The following ANKRD55 variants were observed in gnomAD, a reference collection of about 807,000 sequenced individuals.
ANKRD55 encodes the protein ankyrin repeat domain-containing protein 55.
In ANKRD55, 41 loss-of-function variants were observed where a neutral mutation model predicts 60.6. That is an observed-to-expected ratio of 0.68 (90% confidence interval 0.53 to 0.88). The LOEUF is 0.88. Among genes scored for constraint, ANKRD55 ranks in the 40% least tolerant of loss-of-function variants. The pLI is 0.00. For synonymous variants in ANKRD55, 264 were observed against 290.3 expected, an observed-to-expected ratio of 0.91 and a Z score of 0.92; for missense variants, 732 against 767.6, an observed-to-expected ratio of 0.95 and a Z score of 0.55.
At chr5:56,123,482 T>C (rs965710967) in intron 8 of ANKRD55, among the ~76,000 whole-genome samples, 2 of 152,162 alleles carry the variant, frequency 1.3e-5, no homozygotes, top group Non-Finnish European at 2.9e-5. Flanking sequence ...CATATTTGAA[T>C]GTGGCAGATG....
At chr5:56,190,087 T>C (rs1440673909) in intron 2 of ANKRD55, among the ~76,000 whole-genome samples, 2 of 152,236 alleles carry the variant, frequency 1.3e-5, no homozygotes, top group Non-Finnish European at 2.9e-5. Flanking sequence ...TTAGTGACAG[T>C]GAGCATTTTT....
intron 5 of ANKRD55, among the ~76,000 whole-genome samples, chr5:56,166,404 C>T (rs914605722): frequency 5.3e-5 from 8 of 151,622 alleles, no homozygotes; most frequent in African/African-American, 1.9e-4. Context: ...ACTACAGGAG[C>T]ACACCACTAT....
intron 2 of ANKRD55, among the ~76,000 whole-genome samples, chr5:56,225,478 G>T (rs142837228): frequency 6.6e-6 from 1 of 152,124 alleles, no homozygotes; most frequent in African/African-American, 2.4e-5. Flanking sequence ...TGGAAGTTCC[G>T]GCCAAGGCAA....
At chr5:56,198,684 T>A (rs1423620546) in intron 2 of ANKRD55, among the ~76,000 whole-genome samples, 1 of 152,230 alleles carries the variant, frequency 6.6e-6, no homozygotes, top group Non-Finnish European at 1.5e-5. Context: ...TTGTTTTTCT[T>A]CTTTATAGTA....
intron 2 of ANKRD55, among the ~76,000 whole-genome samples, chr5:56,210,697 T>A (rs1561294034): frequency 6.6e-6 from 1 of 151,946 alleles, no homozygotes; most frequent in Non-Finnish European, 1.5e-5. Flanking sequence ...GGTAAAAAAA[T>A]ATCTTTTCAG....
At chr5:56,201,242 T>C (rs565527898) in intron 2 of ANKRD55, among the ~76,000 whole-genome samples, 21 of 152,278 alleles carry the variant, frequency 1.4e-4, no homozygotes, top group African/African-American at 4.8e-4. Context: ...GTGGCGTCTT[T>C]CCACCTTTAA....
chr5:56,111,538 C>T lies in ANKRD55; in HGVS notation c.1210G>A (p.Val404Ile), dbSNP rs1190937549. Residue 404 changes from valine to isoleucine, a missense_variant, in exon 10 of 12, where the codon GTT becomes ATT. This residue lies in a region of ANKRD55 where 597 missense variants were observed against 607.5 expected (regional missense o/e 0.98). Transcript: ENST00000341048. ...QEQPGDQVAM[V>I]EFKKKTSDNS... ...TCTGAGGTTTTCTTCTTAAATTCAA[C>T]CATAGCCACCTGATCACCAGGCTGT... is the stretch of plus-strand genomic sequence containing the variant. 3.7e-6 allele frequency: 6 copies of T among 1,613,648 alleles called. No individual in the cohort carries two copies. Among genetic ancestry groups the T allele is most frequent in the South Asian group, 2.2e-5 (2 of 91,050 alleles).
At chr5:56,225,622 C>G (rs1036772375) in intron 2 of ANKRD55, among the ~76,000 whole-genome samples, 1 of 152,198 alleles carries the variant, frequency 6.6e-6, no homozygotes, top group Non-Finnish European at 1.5e-5. Context: ...AGCTGATAAG[C>G]AACTTCAGCA....
In ANKRD55 at chr5:56,112,504, C is replaced by CAAAAAA. The variant is rs1187255213; in HGVS notation, c.966-728_966-723dup. On this transcript the variant is annotated intron_variant, in intron 9 of 11. Coordinates refer to ENST00000341048, the MANE Select transcript of ANKRD55 (RefSeq NM_024669.3). ...CAACATGGCAGGATCTCATCTCTAG[C>CAAAAAA]AAAAAAAAAAAAAAAAAACAACCAA... Among the ~76,000 whole-genome samples the CAAAAAA allele has an allele frequency of 8.3e-3, 212 of 25,552 alleles. 2 individuals carry two copies. Among genetic ancestry groups the CAAAAAA allele is most frequent in the Middle Eastern group, 0.036 (1 of 28 alleles). The allele number at this position is 25,552 out of a possible 152,430, so 16.8% of individuals were successfully genotyped here.
chr5:56,184,375 T>G (rs1196920682), intron 2 of ANKRD55, among the ~76,000 whole-genome samples: 4 of 152,194 alleles, frequency 2.6e-5, no homozygotes, highest in African/African-American at 7.2e-5. Flanking sequence ...AGGATGGGAT[T>G]GGCTTCCCAC....
intron 2 of ANKRD55, among the ~76,000 whole-genome samples, chr5:56,191,456 C>T (rs1240842158): frequency 2.0e-5 from 3 of 152,146 alleles, no homozygotes; most frequent in East Asian, 1.9e-4. Context: ...TATTCTTTCT[C>T]ATACTATTGT....
chr5:56,185,476 A>G (rs1291470109), intron 2 of ANKRD55, among the ~76,000 whole-genome samples: 1 of 151,986 alleles, frequency 6.6e-6, no homozygotes. Flanking sequence ...AGACCAGCCT[A>G]ACCAACATGG....
intron 10 of ANKRD55, among the ~76,000 whole-genome samples, chr5:56,109,403 A>G (rs1756600914): frequency 6.6e-6 from 1 of 152,182 alleles, no homozygotes; most frequent in Admixed American, 6.5e-5. Context: ...AGATTTTTAT[A>G]TAAAATTTCA....
At chr5:56,208,195 C>T (rs1019406156) in intron 2 of ANKRD55, among the ~76,000 whole-genome samples, 2 of 151,972 alleles carry the variant, frequency 1.3e-5, no homozygotes, top group African/African-American at 2.4e-5. Flanking sequence ...TCTTCAGGGA[C>T]AGTAACATGC....
At chr5:56,104,613 A>G (rs1756395500) in intron 10 of ANKRD55, among the ~76,000 whole-genome samples, 1 of 152,054 alleles carries the variant, frequency 6.6e-6, no homozygotes, top group Non-Finnish European at 1.5e-5. Context: ...AAGGATAGGA[A>G]ATGTTTTCAC....
intron 2 of ANKRD55, among the ~76,000 whole-genome samples, chr5:56,219,946 G>T (rs1422578628): frequency 6.6e-6 from 1 of 152,216 alleles, no homozygotes; most frequent in East Asian, 1.9e-4. Context: ...CAGGTACCCA[G>T]CACAATTACT....
Position 56,192,071 on chromosome 5 carries a change from T to C in ANKRD55, c.59-8437A>G, listed in dbSNP as rs79414532. Reference sequence around the variant, plus strand: ...TATTAAGATGTCTAAAAGATCTACATAAACAAACAATACCTCAGTCCTTCC... The same window carrying C: ...TATTAAGATGTCTAAAAGATCTACACAAACAAACAATACCTCAGTCCTTCC... On this transcript the variant is annotated intron_variant, in intron 2 of 11. Coordinates refer to ENST00000341048, the MANE Select transcript of ANKRD55 (RefSeq NM_024669.3). 6.5e-3 allele frequency among the ~76,000 whole-genome samples: 985 copies of C among 152,152 alleles called. 15 individuals carry two copies. The highest frequency in any genetic ancestry group is 0.022 in the African/African-American group (929 of 41,494).
intron 10 of ANKRD55, among the ~76,000 whole-genome samples, chr5:56,105,376 C>T (rs559722403): frequency 5.3e-5 from 8 of 152,144 alleles, no homozygotes; most frequent in Non-Finnish European, 1.2e-4. Context: ...CGTGAGCCAC[C>T]GTGCCCGGCC....
intron 10 of ANKRD55, chr5:56,110,735 G>C: frequency 4.3e-6 from 1 of 231,896 alleles, no homozygotes; most frequent in Non-Finnish European, 8.5e-6. Context: ...AGTAGGTCTG[G>C]GGTGGAGATT....
Sources: allele counts gnomAD v4.1 joint callset (sites outside exome capture counted in the v4.1 genomes callset), GRCh38; gene constraint gnomAD v4.1.1; regional missense constraint gnomAD v4.1.1; transcripts MANE v1.5; gene names NCBI Gene and HGNC (gene_info 2026-07-23, HGNC 2026-07-21).